SMPD4: variants seen among roughly 807,000 people sequenced by gnomAD.
SMPD4 encodes sphingomyelin phosphodiesterase 4, also known as neutral sphingomyelinase 3.
A neutral mutation model predicts 97.8 loss-of-function variants in SMPD4; 58 were observed. The observed-to-expected ratio is 0.59, with a 90% confidence interval of 0.48 to 0.74. The LOEUF (loss-of-function observed/expected upper bound fraction) is 0.74. SMPD4 is among the 30% of genes least tolerant of loss of function. SMPD4 has a pLI of 0.00. For synonymous variants in SMPD4, 388 were observed against 450.0 expected, an observed-to-expected ratio of 0.86 and a Z score of 1.74; for missense variants, 853 against 1,080.5, an observed-to-expected ratio of 0.79 and a Z score of 2.95.
chr2:130,168,810 C>T (rs924718649), intron 8 of SMPD4, among the ~76,000 whole-genome samples: 17 of 151,814 alleles, frequency 1.1e-4, no homozygotes, highest in Non-Finnish European at 1.5e-4. Flanking sequence ...CTACCTCCGC[C>T]TCCTGGGTGC....
At chr2:130,171,302 C>G (rs1443228868) in intron 8 of SMPD4, among the ~76,000 whole-genome samples, 1 of 151,876 alleles carries the variant, frequency 6.6e-6, no homozygotes, top group Non-Finnish European at 1.5e-5. Flanking sequence ...AAGGTTTCAC[C>G]ATGTTGGCTA....
In SMPD4 at chr2:130,173,350, G is replaced by C. The variant is rs776865376; in HGVS notation, c.274C>G (p.Pro92Ala). The change falls in exon 5 of 20, where the codon CCA (proline) becomes GCA (alanine). Residue 92 changes from proline to alanine, a missense_variant. Around this residue, in one of 3 missense-constraint regions of SMPD4, gnomAD observed 313 missense variants for 402.2 expected, o/e 0.78. Coordinates refer to ENST00000680298, the MANE Select transcript of SMPD4 (RefSeq NM_017951.5). ...IVMEFLDPGG[P>A]MMKLVYKLQA... ...AGCTTATAAACCAACTTCATCATTG[G>C]GCCACTGAACACGAAATTGAACAAA... 1.2e-6 allele frequency: 2 copies of C among 1,612,294 alleles called. No individual in the cohort carries two copies. Among genetic ancestry groups the C allele is most frequent in the Non-Finnish European group, 1.7e-6 (2 of 1,179,428 alleles).
intron 12 of SMPD4, 59 bp downstream of exon 12, chr2:130,157,192 A>G (rs1299980140): frequency 6.4e-7 from 1 of 1,550,534 alleles, no homozygotes; most frequent in Non-Finnish European, 8.7e-7. Flanking sequence ...TGTGGGCGAC[A>G]CCTTAGGAGG....
intron 2 of SMPD4, among the ~76,000 whole-genome samples, chr2:130,176,104 T>C (rs1038824071): frequency 6.6e-6 from 1 of 152,148 alleles, no homozygotes; most frequent in African/African-American, 2.4e-5. Context: ...ACTCCAGGCA[T>C]GAGCCACTGC....
intron 11 of SMPD4, 50 bp downstream of exon 11, chr2:130,161,136 G>A (rs771308427): frequency 5.1e-6 from 8 of 1,573,952 alleles, no homozygotes; most frequent in Non-Finnish European, 7.0e-6. Context: ...TGCTTTGCCA[G>A]GCATGGACAT....
intron 8 of SMPD4, among the ~76,000 whole-genome samples, chr2:130,170,173 G>A (rs896149441): frequency 1.3e-5 from 2 of 152,108 alleles, no homozygotes; most frequent in Non-Finnish European, 2.9e-5. Context: ...GTGTGACAGA[G>A]TAAGACCGTC....
At chr2:130,152,963 G>C (rs1281836544) in intron 19 of SMPD4, 79 bp from the exon 20 acceptor site, 3 of 1,556,686 alleles carry the variant, frequency 1.9e-6, no homozygotes, top group African/African-American at 2.7e-5. Flanking sequence ...ACCCTCACAG[G>C]CCACCCCAGG....
chr2:130,174,901 A>G lies in SMPD4; in HGVS notation c.126+13T>C, dbSNP rs745986476. 5 of 1,570,616 alleles carry G rather than the reference A, an allele frequency of 3.2e-6. No homozygotes were observed. The East Asian group carries it at 1.1e-4, about 36-fold the overall frequency. ...AAGACATGCTCCAAAGAGAGACGTT[A>G]GCAGAGCTATACCTTTGCTGGAAAG... is the stretch of plus-strand genomic sequence containing the variant. On this transcript the variant is annotated intron_variant, in intron 3 of 19. Coordinates refer to ENST00000680298, the MANE Select transcript of SMPD4 (RefSeq NM_017951.5).
intron 11 of SMPD4, among the ~76,000 whole-genome samples, chr2:130,158,755 C>CT (rs1290364363): frequency 6.6e-6 from 1 of 152,114 alleles, no homozygotes; most frequent in Non-Finnish European, 1.5e-5. Flanking sequence ...GACCCTGAGT[C>CT]TGAGTGGACA....
chr2:130,173,168 C>T (rs1410896604), intron 5 of SMPD4, 111 bp downstream of exon 5: 14 of 1,137,458 alleles, frequency 1.2e-5, no homozygotes, highest in African/African-American at 3.1e-5. Context: ...ACCCCTGGAA[C>T]GAATCGCTCC....
rs1052870494 is a variant in SMPD4, at chr2:130,154,604, G to A, written c.1454-122C>T. ...AGCCATGACCCAGGGGTGTCCTCCT[G>A]AGGCCCTGCCTGGCAGCATCTCCCA... is the stretch of plus-strand genomic sequence containing the variant. On this transcript the variant is annotated intron_variant, in intron 15 of 19. Coordinates refer to ENST00000680298, the MANE Select transcript of SMPD4 (RefSeq NM_017951.5). 3.6e-6 allele frequency: 5 copies of A among 1,379,242 alleles called. No individual in the cohort carries two copies. In the Admixed American group the frequency reaches 5.9e-5, roughly 16 times the overall value. The allele number at this position is 1,379,242 out of a possible 1,614,324, so 85.4% of individuals were successfully genotyped here. A position where few individuals can be genotyped will look rare whatever the true frequency, so the allele number is the denominator to read the frequency against.
rs1686419998 is a variant in SMPD4 at position 130,153,344 on chromosome 2, A to C, written c.2000T>G (p.Ile667Ser). Residue 667 changes from isoleucine to serine, a missense_variant, in exon 18 of 20, where the codon ATC becomes AGC. By Grantham distance (142) the Ile-to-Ser change is moderately radical. This residue lies in a region of SMPD4 where 511 missense variants were observed against 608.1 expected (regional missense o/e 0.84). Transcript: ENST00000680298. ...PDCIVGEDGLILTPLGRYQII... is the reference protein window; with the variant it reads ...PDCIVGEDGLSLTPLGRYQII... ...CTGGTACCGCCCCAGGGGCGTAAGGATGAGTCCGTCCTCACCCACGATGCA... is the reference window on the plus strand; with the variant it reads ...CTGGTACCGCCCCAGGGGCGTAAGGCTGAGTCCGTCCTCACCCACGATGCA... 6.2e-7 allele frequency: 1 copy of C among 1,613,672 alleles called. No individual in the cohort carries two copies. Among genetic ancestry groups the C allele is most frequent in the Non-Finnish European group, 8.5e-7 (1 of 1,180,028 alleles).
rs905242150 is a variant in SMPD4 at position 130,154,041 on chromosome 2, G to T, written c.1660-106C>A. ...AGACTGCTGAGCGTCAGGAGGAGTGGCTTCTGCCAGAAGACTTTTAAAGAC... is the reference window on the plus strand; with the variant it reads ...AGACTGCTGAGCGTCAGGAGGAGTGTCTTCTGCCAGAAGACTTTTAAAGAC... On this transcript the variant is annotated intron_variant, in intron 16 of 19. Transcript: ENST00000680298. 5.0e-6 allele frequency: 6 copies of T among 1,196,056 alleles called. No individual in the cohort carries two copies. In the African/African-American group the frequency reaches 7.6e-5, roughly 15 times the overall value. 74.1% of individuals were successfully genotyped at this position (1,196,056 alleles called of 1,614,324 possible). A position where few individuals can be genotyped will look rare whatever the true frequency, so the allele number is the denominator to read the frequency against.
chr2:130,178,433 G>A (rs944380594), intron 1 of SMPD4, among the ~76,000 whole-genome samples: 6 of 152,172 alleles, frequency 3.9e-5, no homozygotes, highest in Admixed American at 6.6e-5. Context: ...TATTACCTGT[G>A]CACTATGCAA....
Position 130,181,562 on chromosome 2 carries a change from A to G in SMPD4, c.-78T>C. ...ATCCATAGCGTCGCTCGCCTCAGAG[A>G]TGGAAGCCGCCATTCCGCCACGGCG... On this transcript the variant is annotated 5_prime_UTR_variant, in exon 1 of 20. Transcript: ENST00000680298. 1.2e-6 allele frequency: 2 copies of G among 1,606,642 alleles called. No individual in the cohort carries two copies. Among genetic ancestry groups the G allele is most frequent in the Non-Finnish European group, 8.5e-7 (1 of 1,177,586 alleles).
In SMPD4 at chr2:130,167,522, T is replaced by A; in HGVS notation, c.728A>T (p.His243Leu). Residue 243 changes from histidine (H) to leucine (L), a missense_variant, in exon 9 of 20, where the codon CAT becomes CTT. By Grantham distance (99) the His-to-Leu change is moderately conservative. Around this residue, in one of 3 missense-constraint regions of SMPD4, gnomAD observed 313 missense variants for 402.2 expected, o/e 0.78. Coordinates refer to ENST00000680298, the MANE Select transcript of SMPD4 (RefSeq NM_017951.5). Reference protein sequence around the residue: ...HTSLLKRHISHQTSVNADPAS... With the variant: ...HTSLLKRHISLQTSVNADPAS... The stretch of plus-strand genomic sequence containing the variant: ...GGGGTCTGCATTCACAGACGTCTGA[T>A]GAGAGATGTGTCGCTTTAGGAGGCT... The A allele has an allele frequency of 1.2e-6, 2 of 1,613,294 alleles. No individual in the cohort carries two copies. The highest frequency in any genetic ancestry group is 1.1e-5 in the South Asian group (1 of 91,050).
intron 11 of SMPD4, among the ~76,000 whole-genome samples, chr2:130,160,586 CGGCCAGG>C: frequency 2.0e-5 from 3 of 152,332 alleles, no homozygotes; most frequent in Admixed American, 2.0e-4. Context: ...TGTGTATGAG[CGGCCAGG>C]GCTCCCCAGG....
Position 130,155,199 on chromosome 2 carries a change from G to A in SMPD4, c.1350C>T (p.Asn450=), listed in dbSNP as rs773477661. 4 of 1,614,070 alleles carry A rather than the reference G, an allele frequency of 2.5e-6. No individual in the cohort carries two copies. Among genetic ancestry groups the A allele is most frequent in the Admixed American group, 3.3e-5 (2 of 60,004 alleles). ...MYTKLFVGFL[N]RALRTDLVSP... ...TGACCAGGTCTGTGCGGAGCGCGCG[G>A]TTCAGAAAGCCCACAAACAACTTGG... Residue 450 remains asparagine (N), a synonymous_variant, in exon 15 of 20, where the codon AAC becomes AAT. Transcript: ENST00000680298.
rs185472191 is a variant in SMPD4, at chr2:130,167,712, T to C, written c.660-122A>G. Reference sequence around the variant, plus strand: ...CAGGGACAGATTACAACTTGTTCAATAGCACAATGCACACCTCCCCCCAGC... The same window carrying C: ...CAGGGACAGATTACAACTTGTTCAACAGCACAATGCACACCTCCCCCCAGC... On this transcript the variant is annotated intron_variant, in intron 8 of 19. Transcript: ENST00000680298. 285 of 1,057,386 alleles carry C rather than the reference T, an allele frequency of 2.7e-4. 2 individuals are homozygous for C. In the Middle Eastern group the frequency reaches 5.4e-3, roughly 20 times the overall value. 65.5% of individuals were successfully genotyped at this position (1,057,386 alleles called of 1,614,324 possible). A position where few individuals can be genotyped will look rare whatever the true frequency, so the allele number is the denominator to read the frequency against.
Sources: allele counts gnomAD v4.1 joint callset (sites outside exome capture counted in the v4.1 genomes callset), GRCh38; gene constraint gnomAD v4.1.1; regional missense constraint gnomAD v4.1.1; transcripts MANE v1.5; gene names NCBI Gene and HGNC (gene_info 2026-07-23, HGNC 2026-07-21).